ARHGAP22: variants seen among roughly 807,000 people sequenced by gnomAD.
ARHGAP22 encodes the protein Rho GTPase activating protein 22, also known as rho GTPase-activating protein 22.
A neutral mutation model predicts 59.1 loss-of-function variants in ARHGAP22; 48 were observed. That is an observed-to-expected ratio of 0.81 (90% CI 0.64 to 1.03). The LOEUF (loss-of-function observed/expected upper bound fraction) is 1.03, where lower values mean the gene tolerates loss of function less well. ARHGAP22 is among the 50% of genes least tolerant of loss of function. The pLI is 0.00. For synonymous variants in ARHGAP22, 445 were observed against 416.4 expected (o/e 1.07, Z -0.84); for missense variants, 1,015 against 958.7 (o/e 1.06, Z -0.78).
intron 3 of ARHGAP22, among the ~76,000 whole-genome samples, chr10:48,537,179 T>C (rs1263753386): frequency 6.6e-5 from 10 of 152,250 alleles, no homozygotes; most frequent in African/African-American, 2.2e-4. Context: ...GGTTTCCACA[T>C]TCCTTCAGGG....
At chr10:48,482,722 G>A (rs192563877) in intron 3 of ARHGAP22, among the ~76,000 whole-genome samples, 4 of 152,244 alleles carry the variant, frequency 2.6e-5, no homozygotes, top group Non-Finnish European at 4.4e-5. Context: ...CATAGAGTGT[G>A]TAATAATCAA....
intron 8 of ARHGAP22, chr10:48,451,722 C>A: frequency 1.6e-6 from 1 of 612,176 alleles, no homozygotes; most frequent in Non-Finnish European, 2.9e-6. Flanking sequence ...GTCCCACACA[C>A]ACACACAACT....
chr10:48,579,482 C>T (rs2058973926), intron 2 of ARHGAP22, among the ~76,000 whole-genome samples: 1 of 152,232 alleles, frequency 6.6e-6, no homozygotes, highest in Non-Finnish European at 1.5e-5. Flanking sequence ...GGTGCACTTC[C>T]AGGCTCTGCT....
At chr10:48,597,320 C>T (rs2135828067) in intron 1 of ARHGAP22, among the ~76,000 whole-genome samples, 1 of 152,108 alleles carries the variant, frequency 6.6e-6, no homozygotes, top group South Asian at 2.1e-4. Context: ...GGCCTGTTTC[C>T]ACACATGAAA....
chr10:48,566,837 T>A (rs2058074613), intron 2 of ARHGAP22, among the ~76,000 whole-genome samples: 1 of 152,094 alleles, frequency 6.6e-6, no homozygotes, highest in Admixed American at 6.5e-5. Flanking sequence ...ACCCTCCCTA[T>A]CCCTCCCAAC....
chr10:48,630,232 C>T (rs980922870), intron 1 of ARHGAP22, among the ~76,000 whole-genome samples: 1 of 152,158 alleles, frequency 6.6e-6, no homozygotes, highest in African/African-American at 2.4e-5. Context: ...GCTGGGACTA[C>T]AGGCCCCCGC....
chr10:48,526,179 G>C (rs1004945331), intron 3 of ARHGAP22, among the ~76,000 whole-genome samples: 2 of 152,142 alleles, frequency 1.3e-5, no homozygotes, highest in African/African-American at 4.8e-5. Context: ...AGGGCAGGCT[G>C]GAAAGCAGAG....
rs1358176587 is a variant in ARHGAP22 at position 48,564,290 on chromosome 10, A to C, written c.235-8740T>G. On this transcript the variant is annotated intron_variant, in intron 2 of 9. Coordinates refer to ENST00000249601, the MANE Select transcript of ARHGAP22 (RefSeq NM_021226.4). ...TCATCTGTCAACAGAGGAACGGTTA[A>C]ATCATTTCTGGTAAGGCCATACCAG... Among the ~76,000 whole-genome samples the C allele has an allele frequency of 3.3e-5, 5 of 152,236 alleles. No homozygotes were observed. In the East Asian group the frequency reaches 9.6e-4, roughly 29 times the overall value.
At chr10:48,524,432 G>A (rs1328117691) in intron 3 of ARHGAP22, among the ~76,000 whole-genome samples, 2 of 151,862 alleles carry the variant, frequency 1.3e-5, no homozygotes, top group African/African-American at 2.4e-5. Flanking sequence ...TTACTCTCCC[G>A]GGGTGCCGGG....
intron 3 of ARHGAP22, among the ~76,000 whole-genome samples, chr10:48,486,414 C>T (rs776175404): frequency 4.4e-4 from 67 of 151,798 alleles, no homozygotes; most frequent in African/African-American, 1.4e-3. Context: ...CTCGGCTCAC[C>T]GCAACCTCCT....
At chr10:48,466,561 C>A (rs2047715617) in intron 4 of ARHGAP22, 1 of 147,832 alleles carries the variant, frequency 6.8e-6, no homozygotes, top group Non-Finnish European at 1.5e-5. Flanking sequence ...CGCCCGCACC[C>A]CGTCCCGCCC....
At chr10:48,439,339 A>C in the ARHGAP22 span, 2 of 150,834 alleles carry the variant, frequency 1.3e-5, no homozygotes, top group Non-Finnish European at 2.9e-5. Flanking sequence ...AAAAAGAAAA[A>C]AGTGGTATGA....
At chr10:48,554,336 G>A (rs753790060) in intron 3 of ARHGAP22, among the ~76,000 whole-genome samples, 18 of 152,250 alleles carry the variant, frequency 1.2e-4, no homozygotes, top group South Asian at 4.1e-4. Context: ...TCCCTCAGTG[G>A]ACAGCCAATA....
intron 1 of ARHGAP22, chr10:48,623,903 TGAAATTACTTTGTTCGCC>T (rs1209385622): frequency 6.6e-6 from 1 of 152,222 alleles, no homozygotes; most frequent in Non-Finnish European, 1.5e-5. Flanking sequence ...TACCAGTGCT[TGAAATTACTTTGTTCGCC>T]GTGTGAAACT....
At chr10:48,490,454 G>C (rs2050273890) in intron 3 of ARHGAP22, among the ~76,000 whole-genome samples, 2 of 152,078 alleles carry the variant, frequency 1.3e-5, no homozygotes, top group South Asian at 4.2e-4. Flanking sequence ...ATGTCCCTTG[G>C]AGCCCAAATG....
upstream of ARHGAP22, chr10:48,655,527 C>T (rs1460664969): frequency 6.5e-6 from 1 of 152,878 alleles, no homozygotes; most frequent in Non-Finnish European, 1.5e-5. Context: ...GCAGCAAGTT[C>T]AAAGGCAGGT....
At chr10:48,466,163 C>A (rs928729991) in intron 4 of ARHGAP22, among the ~76,000 whole-genome samples, 1 of 152,062 alleles carries the variant, frequency 6.6e-6, no homozygotes, top group Non-Finnish European at 1.5e-5. Flanking sequence ...CGGTCCCACA[C>A]CCCTTCCTGT....
chr10:48,654,643 A>G (rs572615012), upstream of ARHGAP22, among the ~76,000 whole-genome samples: 106 of 151,262 alleles, frequency 7.0e-4, no homozygotes, highest in African/African-American at 2.6e-3. Context: ...TGCCCTAAGG[A>G]TAAGATACAT....
At chr10:48,566,716 C>G (rs2058067863) in intron 2 of ARHGAP22, among the ~76,000 whole-genome samples, 1 of 152,140 alleles carries the variant, frequency 6.6e-6, no homozygotes, top group Admixed American at 6.5e-5. Flanking sequence ...TATCCATGGT[C>G]CTCTTAGAAA....
Sources: gnomAD v4.1 joint callset for allele counts (sites outside exome capture counted in the v4.1 genomes callset) on GRCh38, gnomAD v4.1.1 for gene constraint, MANE v1.5 for transcripts, NCBI Gene and HGNC (gene_info 2026-07-23, HGNC 2026-07-21) for gene names.